The following PARN variants were observed in gnomAD, a reference collection of about 807,000 sequenced individuals.
The protein encoded by PARN is poly(A)-specific ribonuclease PARN.
In PARN, 71 loss-of-function variants were observed where a neutral mutation model predicts 102.8. The ratio of observed to expected loss-of-function variants is 0.69; its 90% CI spans 0.57 to 0.84. PARN has a LOEUF of 0.84. PARN is among the 40% of genes least tolerant of loss of function. PARN has a pLI of 0.00. For missense variants in PARN, 782 were observed against 760.9 expected (o/e 1.03, Z -0.33); for synonymous variants, 261 against 252.9 (o/e 1.03, Z -0.30).
chr16:14,447,435 G>A (rs1032221209), intron 22 of PARN, among the ~76,000 whole-genome samples: 38 of 152,162 alleles, frequency 2.5e-4, no homozygotes, highest in African/African-American at 9.2e-4. Context: ...TGAAATAATA[G>A]TTTTGGTTAC....
chr16:14,483,823 C>T (rs193053627), intron 21 of PARN, among the ~76,000 whole-genome samples: 22 of 152,308 alleles, frequency 1.4e-4, no homozygotes, highest in Admixed American at 1.1e-3. Flanking sequence ...ACTGGAATTA[C>T]ACTACATATG....
chr16:14,589,029 A>G (rs1970017574), intron 13 of PARN, among the ~76,000 whole-genome samples: 1 of 151,822 alleles, frequency 6.6e-6, no homozygotes, highest in African/African-American at 2.4e-5. Flanking sequence ...AAAATATAAA[A>G]ATTAGCTGGG....
At chr16:14,516,612 T>G (rs1199617641) in intron 21 of PARN, among the ~76,000 whole-genome samples, 1 of 152,218 alleles carries the variant, frequency 6.6e-6, no homozygotes, top group Non-Finnish European at 1.5e-5. Flanking sequence ...AAGGGTTCTT[T>G]CATATATAAT....
intron 12 of PARN, among the ~76,000 whole-genome samples, chr16:14,596,001 T>C (rs1328765255): frequency 1.3e-5 from 2 of 152,102 alleles, no homozygotes; most frequent in African/African-American, 2.4e-5. Context: ...CACATACATA[T>C]ACAGAGAGAC....
chr16:14,461,324 G>A (rs1212217192), intron 22 of PARN, among the ~76,000 whole-genome samples: 1 of 152,192 alleles, frequency 6.6e-6, no homozygotes, highest in Admixed American at 6.5e-5. Context: ...AATAAAGTAT[G>A]AGCTTTTGTT....
chr16:14,549,143 G>A (rs1967142727), intron 21 of PARN, among the ~76,000 whole-genome samples: 1 of 152,182 alleles, frequency 6.6e-6, no homozygotes. Flanking sequence ...TGTTGTCAGA[G>A]GCACAGCATG....
At chr16:14,609,003 C>A in intron 8 of PARN, 55 bp downstream of exon 8, 1 of 975,822 alleles carries the variant, frequency 1.0e-6, no homozygotes, top group Non-Finnish European at 1.6e-6. Context: ...TCAAATGCCA[C>A]AAACCATCTA....
intron 21 of PARN, among the ~76,000 whole-genome samples, chr16:14,527,210 G>C (rs1383000084): frequency 1.3e-5 from 2 of 152,166 alleles, no homozygotes; most frequent in Non-Finnish European, 2.9e-5. Flanking sequence ...GTAAACAGCT[G>C]AATCTCCAAA....
At chr16:14,596,508 G>A (rs527394099) in intron 12 of PARN, among the ~76,000 whole-genome samples, 18 of 152,034 alleles carry the variant, frequency 1.2e-4, no homozygotes, top group African/African-American at 3.1e-4. Context: ...GCTGAGGCGC[G>A]GGAGACTGCT....
chr16:14,504,241 C>T (rs1382246542), intron 21 of PARN, among the ~76,000 whole-genome samples: 2 of 152,072 alleles, frequency 1.3e-5, no homozygotes, highest in African/African-American at 4.8e-5. Flanking sequence ...AATAATTATG[C>T]TATTCATATT....
At chr16:14,556,561 T>C (rs1460639395) in intron 18 of PARN, among the ~76,000 whole-genome samples, 1 of 152,210 alleles carries the variant, frequency 6.6e-6, no homozygotes, top group Non-Finnish European at 1.5e-5. Context: ...CAAACTGGCA[T>C]CCTCAACAGT....
At position 14,436,583 on chromosome 16, in the gene PARN, C is replaced by A. The variant is rs563397576; in HGVS notation, c.*134G>T. ...CAAAAATAAAACCTGTTTTCTCCCC[C>A]CCAGGAGACAACTTGGTTTCCAACC... On this transcript the variant is annotated 3_prime_UTR_variant, in exon 24 of 24. Transcript: ENST00000437198. 19 of 649,348 alleles carry A rather than the reference C, an allele frequency of 2.9e-5. No homozygotes were observed. Among genetic ancestry groups the A allele is most frequent in the African/African-American group, 1.8e-4 (10 of 54,588 alleles). The allele number at this position is 649,348 out of a possible 1,614,324, so 40.2% of individuals were successfully genotyped here.
At chr16:14,523,224 TACACACACACACAC>T (rs35250440) in intron 21 of PARN, among the ~76,000 whole-genome samples, 107 of 144,230 alleles carry the variant, frequency 7.4e-4, no homozygotes, top group Non-Finnish European at 1.2e-3. Flanking sequence ...AACTAACAAG[TACACACACACACAC>T]ACACACACAC....
chr16:14,454,570 C>T (rs1331416790), intron 22 of PARN, among the ~76,000 whole-genome samples: 1 of 152,058 alleles, frequency 6.6e-6, no homozygotes, highest in Non-Finnish European at 1.5e-5. Flanking sequence ...CTATGAGTCG[C>T]TTCAAGTTCA....
intron 22 of PARN, among the ~76,000 whole-genome samples, chr16:14,464,922 G>C (rs1962234590): frequency 6.6e-6 from 1 of 152,118 alleles, no homozygotes; most frequent in African/African-American, 2.4e-5. Context: ...AAAGCTGAAA[G>C]AGTTCATCAC....
intron 23 of PARN, among the ~76,000 whole-genome samples, chr16:14,440,359 C>T (rs1960891218): frequency 1.3e-5 from 2 of 152,134 alleles, no homozygotes; most frequent in African/African-American, 2.4e-5. Context: ...ATATCAAGTA[C>T]TGGTGAGGGC....
chr16:14,497,728 A>G (rs1294080946), intron 21 of PARN, among the ~76,000 whole-genome samples: 1 of 152,078 alleles, frequency 6.6e-6, no homozygotes, highest in Non-Finnish European at 1.5e-5. Flanking sequence ...CTAATATAGG[A>G]GCTGCTGGGC....
intron 18 of PARN, among the ~76,000 whole-genome samples, chr16:14,559,242 C>G (rs181421429): frequency 1.3e-5 from 2 of 150,266 alleles, no homozygotes. Flanking sequence ...TTTTTTATTT[C>G]TTTATTTTAT....
At chr16:14,496,450 CTTT>C (rs139038435) in intron 21 of PARN, among the ~76,000 whole-genome samples, 2 of 152,112 alleles carry the variant, frequency 1.3e-5, no homozygotes, top group Non-Finnish European at 2.9e-5. Flanking sequence ...AGAAACCCTT[CTTT>C]TTTTAAAAGA....
Sources: gnomAD v4.1 joint callset for allele counts (sites outside exome capture counted in the v4.1 genomes callset) on GRCh38, gnomAD v4.1.1 for gene constraint, MANE v1.5 for transcripts, NCBI Gene and HGNC (gene_info 2026-07-23, HGNC 2026-07-21) for gene names.